The following DGKB variants were observed in gnomAD, a reference collection of about 807,000 sequenced individuals.
DGKB encodes the protein 90 kDa diacylglycerol kinase.
DGKB carries 67 observed loss-of-function variants against 114.3 expected under a neutral mutation model. The observed-to-expected ratio is 0.59, with a 90% confidence interval of 0.48 to 0.72. The LOEUF is 0.72. Among genes scored for constraint, DGKB ranks in the 30% least tolerant of loss-of-function variants. The probability of loss-of-function intolerance (pLI) is 0.00; values close to 1 mark genes in which losing one functional copy is unlikely to be tolerated. For missense variants in DGKB, 907 were observed against 975.2 expected (o/e 0.93, Z 0.93); for synonymous variants, 398 against 323.1 (o/e 1.23, Z -2.49).
intron 2 of DGKB, among the ~76,000 whole-genome samples, chr7:14,760,535 T>C (rs1835533814): frequency 6.6e-6 from 1 of 152,142 alleles, no homozygotes; most frequent in Non-Finnish European, 1.5e-5. Flanking sequence ...GGCACTATTC[T>C]AAGTTAGCAG....
intron 13 of DGKB, among the ~76,000 whole-genome samples, chr7:14,652,964 C>T (rs1167284006): frequency 1.3e-5 from 2 of 151,754 alleles, no homozygotes; most frequent in Non-Finnish European, 1.5e-5. Flanking sequence ...GATACCATCT[C>T]ACACCAGTTA....
chr7:14,694,951 C>T (rs902382355), intron 8 of DGKB, among the ~76,000 whole-genome samples: 1 of 152,046 alleles, frequency 6.6e-6, no homozygotes, highest in Non-Finnish European at 1.5e-5. Flanking sequence ...CAAAGTACTT[C>T]CCATCTAATG....
chr7:14,495,204 T>A (rs945475581), intron 20 of DGKB, among the ~76,000 whole-genome samples: 1 of 151,792 alleles, frequency 6.6e-6, no homozygotes, highest in Non-Finnish European at 1.5e-5. Flanking sequence ...AGTGAACACA[T>A]AAGAATCTAT....
At chr7:14,230,576 G>A (rs1460554437) in intron 23 of DGKB, among the ~76,000 whole-genome samples, 1 of 151,968 alleles carries the variant, frequency 6.6e-6, no homozygotes, top group East Asian at 1.9e-4. Flanking sequence ...TCTTTCAAGT[G>A]AAAAACGCAT....
chr7:14,384,945 C>T (rs1031903853), intron 21 of DGKB, among the ~76,000 whole-genome samples: 2 of 152,066 alleles, frequency 1.3e-5, no homozygotes, highest in South Asian at 4.1e-4. Flanking sequence ...TGAGAACTCC[C>T]TAGGACCGAA....
chr7:14,709,916 T>G (rs1827049982), intron 6 of DGKB, among the ~76,000 whole-genome samples: 1 of 148,180 alleles, frequency 6.7e-6, no homozygotes, highest in Non-Finnish European at 1.5e-5. Context: ...TGTATACATA[T>G]GTAACTAACC....
chr7:14,588,015 C>T (rs180994565), intron 17 of DGKB, among the ~76,000 whole-genome samples: 6 of 152,114 alleles, frequency 3.9e-5, no homozygotes, highest in African/African-American at 7.2e-5. Context: ...GGGTAGTGGC[C>T]ACTTTAGAGT....
At chr7:14,625,772 G>GCTA (rs1355424105) in intron 14 of DGKB, among the ~76,000 whole-genome samples, 14 of 151,274 alleles carry the variant, frequency 9.3e-5, no homozygotes, top group African/African-American at 3.4e-4. Context: ...ACTGAAAAGA[G>GCTA]CTACTCTAAC....
chr7:14,562,850 C>A (rs958964474), intron 20 of DGKB, among the ~76,000 whole-genome samples: 41 of 152,056 alleles, frequency 2.7e-4, no homozygotes, highest in African/African-American at 9.7e-4. Flanking sequence ...TGGGTTAATA[C>A]TTTGGGGGAC....
At chr7:14,279,238 C>T (rs532056949) in intron 23 of DGKB, among the ~76,000 whole-genome samples, 19 of 152,030 alleles carry the variant, frequency 1.2e-4, no homozygotes, top group African/African-American at 3.4e-4. Flanking sequence ...CCTACCCCCA[C>T]GGAGTCTCGC....
intron 1 of DGKB, among the ~76,000 whole-genome samples, chr7:14,846,581 C>T (rs1848652435): frequency 6.6e-6 from 1 of 152,224 alleles, no homozygotes. Flanking sequence ...CAATATTCAG[C>T]TGAGATTCCC....
chr7:14,166,861 G>A (rs1001083780), intron 25 of DGKB, among the ~76,000 whole-genome samples: 1 of 152,016 alleles, frequency 6.6e-6, no homozygotes, highest in Non-Finnish European at 1.5e-5. Flanking sequence ...TGTCCTACTG[G>A]TACAAAAATA....
At chr7:14,710,910 T>C (rs1379017282) in intron 6 of DGKB, among the ~76,000 whole-genome samples, 1 of 152,088 alleles carries the variant, frequency 6.6e-6, no homozygotes, top group African/African-American at 2.4e-5. Flanking sequence ...TGATTGCTAA[T>C]ATCTTGTTTC....
intron 1 of DGKB, among the ~76,000 whole-genome samples, chr7:14,921,356 G>C (rs141077486): frequency 6.6e-6 from 1 of 152,014 alleles, no homozygotes; most frequent in South Asian, 2.1e-4. Context: ...ATACAAATTC[G>C]GAACTACTTG....
intron 2 of DGKB, among the ~76,000 whole-genome samples, chr7:14,809,256 C>CGAT (rs1843127836): frequency 1.3e-5 from 2 of 152,038 alleles, no homozygotes; most frequent in African/African-American, 4.8e-5. Flanking sequence ...ATTTAATTTA[C>CGAT]GATAGTTTTA....
At chr7:14,830,861 GAAAATAACTTAATGAT>G (rs148963012) in intron 2 of DGKB, among the ~76,000 whole-genome samples, 68,269 of 151,608 alleles carry the variant, frequency 0.45, 16,555 homozygotes, top group South Asian at 0.62. Context: ...ATAAAGTACT[GAAAATAACTTAATGAT>G]AACTAATATT....
chr7:14,672,908 G>A (rs1401367707), intron 13 of DGKB, 21 bp downstream of exon 13: 2 of 1,403,846 alleles, frequency 1.4e-6, no homozygotes, highest in Admixed American at 2.0e-5. Flanking sequence ...AGTTATAGTA[G>A]AATGATAAGG....
At chr7:14,538,126 AC>A (rs1792839264) in intron 20 of DGKB, among the ~76,000 whole-genome samples, 1 of 150,080 alleles carries the variant, frequency 6.7e-6, no homozygotes. Flanking sequence ...ACTACATCAA[AC>A]CAAAAAGCTT....
intron 1 of DGKB, among the ~76,000 whole-genome samples, chr7:14,874,331 T>C (rs1038176585): frequency 6.6e-6 from 1 of 152,130 alleles, no homozygotes; most frequent in Non-Finnish European, 1.5e-5. Context: ...ATACGATTTT[T>C]AGAGAGACAA....
Sources: gnomAD v4.1 joint callset for allele counts (sites outside exome capture counted in the v4.1 genomes callset) on GRCh38, gnomAD v4.1.1 for gene constraint, MANE v1.5 for transcripts, NCBI Gene and HGNC (gene_info 2026-07-23, HGNC 2026-07-21) for gene names.